The following ZNF804A variants were observed in gnomAD, a reference collection of about 807,000 sequenced individuals.
The protein encoded by ZNF804A is zinc finger protein 804A.
ZNF804A carries 2 observed loss-of-function variants against 16.5 expected under a neutral mutation model. The ratio of observed to expected loss-of-function variants is 0.12; its 90% CI spans 0.05 to 0.38. The LOEUF (loss-of-function observed/expected upper bound fraction) is 0.38, where lower values mean the gene tolerates loss of function less well. Ranked by LOEUF, ZNF804A falls within the 10% of genes least tolerant of loss-of-function variation. ZNF804A has a pLI of 0.99. For missense variants in ZNF804A, 1,473 were observed against 1,390.7 expected (o/e 1.06, Z -0.94); for synonymous variants, 534 against 489.6 (o/e 1.09, Z -1.20).
intron 1 of ZNF804A, among the ~76,000 whole-genome samples, chr2:184,755,046 G>T (rs531601487): frequency 1.3e-5 from 2 of 151,906 alleles, no homozygotes; most frequent in Non-Finnish European, 2.9e-5. Context: ...TTATAATTTC[G>T]GATGAGATTT....
chr2:184,638,709 G>T (rs1691742914), intron 1 of ZNF804A, among the ~76,000 whole-genome samples: 1 of 151,836 alleles, frequency 6.6e-6, no homozygotes, highest in African/African-American at 2.4e-5. Flanking sequence ...CCAATGTCTT[G>T]CCTCCATTTT....
chr2:184,751,740 G>A (rs775129870), intron 1 of ZNF804A, among the ~76,000 whole-genome samples: 1 of 151,488 alleles, frequency 6.6e-6, no homozygotes, highest in Non-Finnish European at 1.5e-5. Context: ...CTCTTACAAA[G>A]GACTAATATC....
At chr2:184,803,870 G>C (rs186394202) in intron 1 of ZNF804A, among the ~76,000 whole-genome samples, 3 of 151,250 alleles carry the variant, frequency 2.0e-5, no homozygotes, top group African/African-American at 2.4e-5. Context: ...TTTTTTTTGG[G>C]GGGGAGGGGG....
At chr2:184,872,527 C>A (rs1308784863) in intron 2 of ZNF804A, among the ~76,000 whole-genome samples, 1 of 151,934 alleles carries the variant, frequency 6.6e-6, no homozygotes, top group Non-Finnish European at 1.5e-5. Context: ...AACAATAGAC[C>A]ATATATGATA....
intron 1 of ZNF804A, among the ~76,000 whole-genome samples, chr2:184,666,749 C>T (rs183755259): frequency 2.0e-5 from 3 of 152,002 alleles, no homozygotes; most frequent in East Asian, 1.9e-4. Flanking sequence ...ATTGCCTTCA[C>T]GGTATTATCA....
chr2:184,896,611 T>G lies in ZNF804A; in HGVS notation c.255+30099T>G, dbSNP rs533185514. Among the ~76,000 whole-genome samples the G allele has an allele frequency of 7.1e-4, 108 of 152,294 alleles. 1 individual carries two copies. The highest frequency in any genetic ancestry group is 6.8e-3 in the South Asian group (33 of 4,828). The stretch of plus-strand genomic sequence containing the variant: ...GACAGGATTGGCCTGAATTTTCTTA[T>G]TTTGAAAACCTGTACCTTAGCTATT... On this transcript the variant is annotated intron_variant, in intron 2 of 3. Coordinates refer to ENST00000302277, the MANE Select transcript of ZNF804A (RefSeq NM_194250.2).
At chr2:184,774,998 T>C (rs1044727227) in intron 1 of ZNF804A, among the ~76,000 whole-genome samples, 9 of 151,730 alleles carry the variant, frequency 5.9e-5, no homozygotes, top group African/African-American at 1.9e-4. Context: ...AACATAAATA[T>C]GTCTATATTT....
intron 1 of ZNF804A, among the ~76,000 whole-genome samples, chr2:184,743,513 G>A (rs973554375): frequency 1.3e-5 from 2 of 151,806 alleles, no homozygotes; most frequent in African/African-American, 4.8e-5. Flanking sequence ...AAGTGCAATA[G>A]TATTTTAAAC....
intron 1 of ZNF804A, among the ~76,000 whole-genome samples, chr2:184,770,787 C>A (rs576818564): frequency 5.8e-4 from 88 of 151,820 alleles, no homozygotes; most frequent in African/African-American, 2.0e-3. Context: ...ATATAGAAAC[C>A]CAAATTTTTG....
chr2:184,678,354 G>A (rs1011958154), intron 1 of ZNF804A, among the ~76,000 whole-genome samples: 13 of 151,908 alleles, frequency 8.6e-5, no homozygotes, highest in Admixed American at 2.0e-4. Context: ...ATTCAAAACC[G>A]AATTAAGTTT....
chr2:184,622,910 T>C (rs1179993825), intron 1 of ZNF804A, among the ~76,000 whole-genome samples: 1 of 151,972 alleles, frequency 6.6e-6, no homozygotes, highest in Non-Finnish European at 1.5e-5. Flanking sequence ...AACAAAGATA[T>C]GATATTGCAC....
chr2:184,883,990 C>G (rs986793987), intron 2 of ZNF804A, among the ~76,000 whole-genome samples: 1 of 152,048 alleles, frequency 6.6e-6, no homozygotes, highest in Non-Finnish European at 1.5e-5. Flanking sequence ...CAAAAGGCAT[C>G]TGGATAGCAA....
intron 1 of ZNF804A, among the ~76,000 whole-genome samples, chr2:184,818,263 T>C (rs894666404): frequency 2.6e-5 from 4 of 152,036 alleles, no homozygotes; most frequent in African/African-American, 7.2e-5. Context: ...TCAATATTTT[T>C]AAAGAAAATA....
chr2:184,685,936 C>A (rs953343710), intron 1 of ZNF804A, among the ~76,000 whole-genome samples: 1 of 152,230 alleles, frequency 6.6e-6, no homozygotes, highest in African/African-American at 2.4e-5. Context: ...TGCCCTCAGC[C>A]TCTGATGGCC....
At chr2:184,733,675 A>C (rs533392886) in intron 1 of ZNF804A, among the ~76,000 whole-genome samples, 5 of 152,316 alleles carry the variant, frequency 3.3e-5, no homozygotes, top group South Asian at 4.1e-4. Context: ...GGAAGATTGT[A>C]AATTATTAAT....
chr2:184,660,612 A>C (rs1692157955), intron 1 of ZNF804A, among the ~76,000 whole-genome samples: 1 of 152,182 alleles, frequency 6.6e-6, no homozygotes, highest in Non-Finnish European at 1.5e-5. Context: ...CTCTCATACT[A>C]TGTCAAATGT....
At chr2:184,660,837 G>C (rs1236129540) in intron 1 of ZNF804A, among the ~76,000 whole-genome samples, 1 of 152,238 alleles carries the variant, frequency 6.6e-6, no homozygotes. Context: ...CACCTAGTGA[G>C]TTCTCAGTAG....
chr2:184,850,399 G>C lies in ZNF804A; in HGVS notation c.112-15970G>C, dbSNP rs1011298684. On this transcript the variant is annotated intron_variant, in intron 1 of 3. Transcript: ENST00000302277. ...TACTACATGAAGCTGCTGGAAACTG[G>C]CTGACTCAATCAGTTAAGCAACGAG... Among the ~76,000 whole-genome samples, 4 of 151,704 alleles carry C rather than the reference G, an allele frequency of 2.6e-5. No individual in the cohort carries two copies. The Admixed American group carries it at 2.6e-4, about 10-fold the overall frequency.
At chr2:184,892,045 G>A (rs1482331831) in intron 2 of ZNF804A, among the ~76,000 whole-genome samples, 1 of 152,136 alleles carries the variant, frequency 6.6e-6, no homozygotes, top group Non-Finnish European at 1.5e-5. Context: ...GTTTACTACT[G>A]AATTCTTTAT....
Sources: allele counts gnomAD v4.1 joint callset (sites outside exome capture counted in the v4.1 genomes callset), GRCh38; gene constraint gnomAD v4.1.1; transcripts MANE v1.5; gene names NCBI Gene and HGNC (gene_info 2026-07-23, HGNC 2026-07-21).